LURAP1L: variants seen among roughly 807,000 people sequenced by gnomAD.
The protein encoded by LURAP1L is leucine rich adaptor protein 1 like, also known as leucine rich adaptor protein 1-like.
A neutral mutation model predicts 13.8 loss-of-function variants in LURAP1L; 12 were observed. That is an observed-to-expected ratio of 0.87 (90% CI 0.56 to 1.41). LURAP1L has a LOEUF of 1.41. Among genes scored for constraint, LURAP1L ranks in the 40% most tolerant of loss-of-function variants. The probability of loss-of-function intolerance (pLI) is 0.00; values close to 1 mark genes in which losing one functional copy is unlikely to be tolerated. For missense variants in LURAP1L, 375 were observed against 292.9 expected, an observed-to-expected ratio of 1.28 and a Z score of -2.04; for synonymous variants, 139 against 119.2, an observed-to-expected ratio of 1.17 and a Z score of -1.08.
At chr9:12,796,936 TG>T (rs1819518877) in intron 1 of LURAP1L, among the ~76,000 whole-genome samples, 1 of 140,484 alleles carries the variant, frequency 7.1e-6, no homozygotes, top group Non-Finnish European at 1.6e-5. Context: ...TAGGTGGGGG[TG>T]GGGGGAAGTA....
At chr9:12,806,930 A>G (rs1270508608) in intron 1 of LURAP1L, among the ~76,000 whole-genome samples, 1 of 142,156 alleles carries the variant, frequency 7.0e-6, no homozygotes, top group Non-Finnish European at 1.5e-5. Context: ...ATATCACTCT[A>G]CTCTTCTGAA....
chr9:12,777,438 C>A, intron 1 of LURAP1L: 1 of 985,294 alleles, frequency 1.0e-6, no homozygotes, highest in Non-Finnish European at 1.2e-6. Flanking sequence ...GTTGCTAACT[C>A]TGCAAATTAA....
chr9:12,821,773 G>C lies in LURAP1L; in HGVS notation c.*13G>C, dbSNP rs767603556. 3.1e-6 allele frequency: 5 copies of C among 1,604,920 alleles called. No individual in the cohort carries two copies. In the East Asian group the frequency reaches 1.1e-4, roughly 36 times the overall value. On this transcript the variant is annotated 3_prime_UTR_variant, in exon 2 of 2. Coordinates refer to ENST00000319264, the MANE Select transcript of LURAP1L (RefSeq NM_203403.2). ...CTGCTTTGGCTAGTGACAGTTTTTT[G>C]CATGGGACTGGTGTGCAATGAACTT...
chr9:12,794,978 G>A (rs1341817715), intron 1 of LURAP1L, among the ~76,000 whole-genome samples: 1 of 151,818 alleles, frequency 6.6e-6, no homozygotes, highest in African/African-American at 2.4e-5. Flanking sequence ...AACCTCCATG[G>A]TATAGAAAAC....
intron 1 of LURAP1L, 26 bp downstream of exon 1, chr9:12,776,053 G>T (rs377029141): frequency 6.2e-7 from 1 of 1,610,650 alleles, no homozygotes; most frequent in Non-Finnish European, 8.5e-7. Flanking sequence ...CAGCCGCGGG[G>T]GCTGGGACCT....
intron 1 of LURAP1L, among the ~76,000 whole-genome samples, chr9:12,778,123 A>G (rs1410610771): frequency 6.6e-6 from 1 of 152,174 alleles, no homozygotes; most frequent in Non-Finnish European, 1.5e-5. Flanking sequence ...CACTACTCAA[A>G]TGATGGTCCT....
chr9:12,808,152 C>T (rs1819686427), intron 1 of LURAP1L, among the ~76,000 whole-genome samples: 1 of 151,356 alleles, frequency 6.6e-6, no homozygotes, highest in Non-Finnish European at 1.5e-5. Context: ...TTCTTTTTTT[C>T]TTTCCTAATG....
chr9:12,810,678 T>C (rs533863866), intron 1 of LURAP1L, among the ~76,000 whole-genome samples: 5 of 152,322 alleles, frequency 3.3e-5, no homozygotes, highest in African/African-American at 4.8e-5. Flanking sequence ...TTAATATTCC[T>C]AAAGCCATTT....
chr9:12,790,477 T>C (rs1385196732), intron 1 of LURAP1L: 1 of 152,158 alleles, frequency 6.6e-6, no homozygotes, highest in East Asian at 1.9e-4. Context: ...ATGCCTCCTC[T>C]GCATCTCACC....
intron 1 of LURAP1L, among the ~76,000 whole-genome samples, chr9:12,781,459 G>C (rs10120695): frequency 6.6e-6 from 1 of 151,846 alleles, no homozygotes. Context: ...AGCTCCATGA[G>C]TTCAACTGTT....
intron 1 of LURAP1L, among the ~76,000 whole-genome samples, chr9:12,815,297 G>A (rs1363807501): frequency 1.3e-5 from 2 of 152,114 alleles, no homozygotes; most frequent in East Asian, 1.9e-4. Flanking sequence ...TAAATTGCTG[G>A]AAAAACAATA....
At chr9:12,776,153 A>G in intron 1 of LURAP1L, 126 bp downstream of exon 1, 1 of 977,368 alleles carries the variant, frequency 1.0e-6, no homozygotes. Flanking sequence ...CGCGTGGGAA[A>G]TGCTGGGTGG....
At chr9:12,808,264 G>A (rs979436155) in intron 1 of LURAP1L, among the ~76,000 whole-genome samples, 2 of 151,806 alleles carry the variant, frequency 1.3e-5, no homozygotes, top group African/African-American at 4.8e-5. Flanking sequence ...GTCTACTGGT[G>A]ACAAATTTTC....
intron 1 of LURAP1L, among the ~76,000 whole-genome samples, chr9:12,803,195 A>G (rs1819610491): frequency 1.3e-5 from 2 of 152,168 alleles, no homozygotes; most frequent in Non-Finnish European, 1.5e-5. Flanking sequence ...ACTTGTCTTT[A>G]TATTTCATTG....
At chr9:12,819,666 T>C (rs528925254) in intron 1 of LURAP1L, among the ~76,000 whole-genome samples, 23 of 152,218 alleles carry the variant, frequency 1.5e-4, no homozygotes, top group Middle Eastern at 3.4e-3. Flanking sequence ...TTTTAAACCA[T>C]AGAGAAGGCC....
At position 12,775,722 on chromosome 9, in the gene LURAP1L, G is replaced by C. The variant is rs749615446; in HGVS notation, c.7G>C (p.Asp3His). The change falls in exon 1 of 2, where the codon GAC becomes CAC. Residue 3 changes from aspartate (D) to histidine (H), a missense_variant. Coordinates refer to ENST00000319264, the MANE Select transcript of LURAP1L (RefSeq NM_203403.2). The stretch of plus-strand genomic sequence containing the variant: ...TCGCCGTTCCGGAAAAGTCATGGAA[G>C]ACAGCCCGCTGCCAGACCTCAGAGA... ME[D>H]SPLPDLRDIE... The C allele has an allele frequency of 6.3e-7, 1 of 1,577,206 alleles. No homozygotes were observed. Among genetic ancestry groups the C allele is most frequent in the Non-Finnish European group, 8.6e-7 (1 of 1,166,872 alleles).
chr9:12,804,569 C>G (rs1006882107), intron 1 of LURAP1L, among the ~76,000 whole-genome samples: 1 of 152,060 alleles, frequency 6.6e-6, no homozygotes, highest in East Asian at 1.9e-4. Context: ...TCTCGAATTC[C>G]TGACCTGAGG....
chr9:12,794,810 G>C (rs115354734), intron 1 of LURAP1L, among the ~76,000 whole-genome samples: 43 of 151,836 alleles, frequency 2.8e-4, no homozygotes, highest in African/African-American at 1.0e-3. Flanking sequence ...GTTTGTGTGA[G>C]AGGCATCAAG....
intron 1 of LURAP1L, among the ~76,000 whole-genome samples, chr9:12,793,725 A>G (rs1021086781): frequency 2.0e-5 from 3 of 152,082 alleles, no homozygotes; most frequent in Admixed American, 6.6e-5. Flanking sequence ...TTCAAATGGT[A>G]TCCCATCTAG....
Sources: allele counts gnomAD v4.1 joint callset (sites outside exome capture counted in the v4.1 genomes callset), GRCh38; gene constraint gnomAD v4.1.1; transcripts MANE v1.5; gene names NCBI Gene and HGNC (gene_info 2026-07-23, HGNC 2026-07-21).